Variants in GRIN2A observed in about 807,000 individuals in gnomAD.
GRIN2A encodes glutamate ionotropic receptor NMDA type subunit 2A, also known as glutamate receptor ionotropic, NMDA 2A.
GRIN2A carries 22 observed loss-of-function variants against 113.4 expected under a neutral mutation model. The observed-to-expected ratio is 0.19, with a 90% confidence interval of 0.14 to 0.28. The LOEUF (loss-of-function observed/expected upper bound fraction) is 0.28, where lower values mean the gene tolerates loss of function less well. Ranked by LOEUF, GRIN2A falls within the 10% of genes least tolerant of loss-of-function variation. GRIN2A has a pLI of 1.00. For missense variants in GRIN2A, 1,502 were observed against 1,887.0 expected (o/e 0.80, Z 3.78); for synonymous variants, 827 against 738.4 (o/e 1.12, Z -1.94).
At chr16:10,111,835 A>C in intron 2 of GRIN2A, 1 of 1,164,352 alleles carries the variant, frequency 8.6e-7, no homozygotes, top group Non-Finnish European at 1.3e-6. Context: ...CACCATGGGG[A>C]GCAAGTTGGT....
rs997241227 is a variant in GRIN2A, at chr16:10,119,361, G to A, written c.414+60637C>T. 1.3e-4 allele frequency among the ~76,000 whole-genome samples: 7 copies of A among 54,668 alleles called. No individual in the cohort carries two copies. The East Asian group carries it at 2.8e-3, about 22-fold the overall frequency. The allele number at this position is 54,668 out of a possible 152,430, so 35.9% of individuals were successfully genotyped here. A position where few individuals can be genotyped will look rare whatever the true frequency, so the allele number is the denominator to read the frequency against. On this transcript the variant is annotated intron_variant, in intron 2 of 12. Coordinates refer to ENST00000330684, the MANE Select transcript of GRIN2A (RefSeq NM_001134407.3). ...GCTGTTACTCAAAGCCAAGAGGAAG[G>A]TATTTTCCAGCTTTATTTGATGAGT... is the stretch of plus-strand genomic sequence containing the variant.
intron 4 of GRIN2A, among the ~76,000 whole-genome samples, chr16:9,872,238 G>T (rs955359362): frequency 1.3e-5 from 2 of 152,102 alleles, no homozygotes; most frequent in African/African-American, 4.8e-5. Context: ...GTTACCCCTG[G>T]CCAAACTCAA....
At chr16:9,820,484 A>C (rs1240957118) in intron 10 of GRIN2A, among the ~76,000 whole-genome samples, 1 of 152,226 alleles carries the variant, frequency 6.6e-6, no homozygotes. Context: ...TTAACAAAAG[A>C]AGCATTATTC....
intron 10 of GRIN2A, among the ~76,000 whole-genome samples, chr16:9,819,052 T>C (rs1012755372): frequency 2.0e-5 from 3 of 152,202 alleles, no homozygotes; most frequent in African/African-American, 7.2e-5. Context: ...TTATGGCTTT[T>C]TATGCATTAA....
intron 2 of GRIN2A, among the ~76,000 whole-genome samples, chr16:10,060,955 C>T (rs947043779): frequency 4.6e-5 from 7 of 152,192 alleles, no homozygotes; most frequent in African/African-American, 1.2e-4. Flanking sequence ...CACCCAATGT[C>T]GGTTCTCCTT....
In GRIN2A at chr16:9,913,633, T is replaced by C. The variant is rs555128108; in HGVS notation, c.1008-22533A>G. 8.5e-5 allele frequency among the ~76,000 whole-genome samples: 13 copies of C among 152,332 alleles called. No individual in the cohort carries two copies. The East Asian group carries it at 1.2e-3, about 14-fold the overall frequency. ...GGAACTAAGCAGCTAATGCATTCAA[T>C]TGAGAGAGTGTTTGCATGTTTCGGA... On this transcript the variant is annotated intron_variant, in intron 3 of 12. Transcript: ENST00000330684.
chr16:10,141,695 T>C (rs1223247775), intron 2 of GRIN2A, among the ~76,000 whole-genome samples: 1 of 152,236 alleles, frequency 6.6e-6, no homozygotes, highest in Non-Finnish European at 1.5e-5. Flanking sequence ...CATATATTTC[T>C]GTTGTAAAAA....
At chr16:9,924,940 A>ATAG (rs1465319624) in intron 3 of GRIN2A, among the ~76,000 whole-genome samples, 14 of 152,222 alleles carry the variant, frequency 9.2e-5, no homozygotes, top group Non-Finnish European at 1.3e-4. Context: ...GTTACTCTCT[A>ATAG]TAGTAATAGC....
rs937892709 is a variant in GRIN2A at position 10,113,955 on chromosome 16, G to A, written c.414+66043C>T. Among the ~76,000 whole-genome samples the A allele has an allele frequency of 2.0e-5, 3 of 152,086 alleles. No individual in the cohort carries two copies. In the East Asian group the frequency reaches 5.8e-4, roughly 29 times the overall value. On this transcript the variant is annotated intron_variant, in intron 2 of 12. Transcript: ENST00000330684. ...ATGGTGGCTCACACATGTAATCCCA[G>A]CTACTCAGAAGGCTAGGGCAGAGTT...
chr16:10,090,212 CA>C (rs370441439), intron 2 of GRIN2A, among the ~76,000 whole-genome samples: 2,663 of 142,080 alleles, frequency 0.019, 67 homozygotes, highest in African/African-American at 0.063. Flanking sequence ...TTCCAGTAGC[CA>C]AAAAAAAAAT....
intron 2 of GRIN2A, among the ~76,000 whole-genome samples, chr16:10,137,234 T>G (rs138747090): frequency 6.6e-6 from 1 of 152,198 alleles, no homozygotes; most frequent in East Asian, 1.9e-4. Flanking sequence ...CAACAGCACA[T>G]GCTACATAAC....
chr16:10,101,642 T>G (rs747181299), intron 2 of GRIN2A, among the ~76,000 whole-genome samples: 38 of 152,296 alleles, frequency 2.5e-4, no homozygotes, highest in Admixed American at 1.8e-3. Flanking sequence ...GGATACCAAT[T>G]ATAAACTTGG....
At chr16:10,067,207 G>T (rs7186255) in intron 2 of GRIN2A, among the ~76,000 whole-genome samples, 9 of 152,080 alleles carry the variant, frequency 5.9e-5, no homozygotes, top group East Asian at 5.8e-4. Context: ...TTCTGAAGCC[G>T]TTTTTTCCCT....
chr16:9,805,759 C>T (rs921242108), intron 10 of GRIN2A, among the ~76,000 whole-genome samples: 9 of 152,142 alleles, frequency 5.9e-5, no homozygotes. Flanking sequence ...GATTATCTGG[C>T]AGTGGTGGTA....
chr16:9,798,753 A>G (rs1274611152), intron 10 of GRIN2A, among the ~76,000 whole-genome samples: 3 of 152,238 alleles, frequency 2.0e-5, no homozygotes, highest in African/African-American at 2.4e-5. Context: ...TTTGTCCTTA[A>G]CACTCCCAGT....
rs569062400 is a variant in GRIN2A, at chr16:9,780,771, G to A, written c.2357-11682C>T. Among the ~76,000 whole-genome samples, 136 of 152,326 alleles carry A rather than the reference G, an allele frequency of 8.9e-4. 1 individual carries two copies. The highest frequency in any genetic ancestry group is 3.2e-3 in the African/African-American group (131 of 41,586). ...ACAGGTATAAGTGTTCTTTTACTTT[G>A]GGGGTTAAGTGAGGTAATAATAAGG... On this transcript the variant is annotated intron_variant, in intron 11 of 12. Coordinates refer to ENST00000330684, the MANE Select transcript of GRIN2A (RefSeq NM_001134407.3).
At position 9,756,757 on chromosome 16, in the gene GRIN2A, A is replaced by G. The variant is rs1900365033; in HGVS notation, c.*6392T>C. On this transcript the variant is annotated 3_prime_UTR_variant, in exon 13 of 13. Coordinates refer to ENST00000330684, the MANE Select transcript of GRIN2A (RefSeq NM_001134407.3). Reference sequence around the variant, plus strand: ...CAAATTCAGGTGCAGATCCATGGCAAGTACTTGCGATAAGCAGAAAATGTA... The same window carrying G: ...CAAATTCAGGTGCAGATCCATGGCAGGTACTTGCGATAAGCAGAAAATGTA... 1 of 182,978 alleles carries G rather than the reference A, an allele frequency of 5.5e-6. No individual in the cohort carries two copies. The highest frequency in any genetic ancestry group is 2.0e-4 in the South Asian group (1 of 5,092). 11.3% of individuals were successfully genotyped at this position (182,978 alleles called of 1,614,324 possible).
chr16:9,785,761 A>G (rs1432209311), intron 11 of GRIN2A, among the ~76,000 whole-genome samples: 1 of 152,208 alleles, frequency 6.6e-6, no homozygotes, highest in Non-Finnish European at 1.5e-5. Context: ...ATCACCCAGA[A>G]AGGATGTAGA....
intron 3 of GRIN2A, among the ~76,000 whole-genome samples, chr16:9,910,846 C>A (rs1305241027): frequency 6.6e-6 from 1 of 152,066 alleles, no homozygotes. Flanking sequence ...CCTTAGAGTT[C>A]TTTTGATTCA....
Sources: allele counts gnomAD v4.1 joint callset (sites outside exome capture counted in the v4.1 genomes callset), GRCh38; gene constraint gnomAD v4.1.1; transcripts MANE v1.5; gene names NCBI Gene and HGNC (gene_info 2026-07-23, HGNC 2026-07-21).